The following NRXN3 variants were observed in gnomAD, a reference collection of about 807,000 sequenced individuals.
The protein encoded by NRXN3 is neurexin III.
Under a neutral mutation model 137.6 loss-of-function variants are expected in NRXN3, and 32 were observed. That is an observed-to-expected ratio of 0.23 (90% CI 0.18 to 0.31). NRXN3 has a LOEUF of 0.31. Ranked by LOEUF, NRXN3 falls within the 10% of genes least tolerant of loss-of-function variation. The pLI, the probability that NRXN3 is intolerant of heterozygous loss-of-function variation, is 1.00. For missense variants in NRXN3, 1,574 were observed against 2,062.5 expected, an observed-to-expected ratio of 0.76 and a Z score of 4.59; for synonymous variants, 798 against 784.5, an observed-to-expected ratio of 1.02 and a Z score of -0.29.
intron 15 of NRXN3, chr14:79,281,762 C>G (rs2081309654): frequency 6.6e-6 from 1 of 152,186 alleles, no homozygotes; most frequent in East Asian, 1.9e-4. Context: ...GCAGGAACAG[C>G]CCTCCAGGGA....
chr14:79,482,902 G>A (rs1600955427), intron 16 of NRXN3, among the ~76,000 whole-genome samples: 2 of 152,244 alleles, frequency 1.3e-5, no homozygotes, highest in Admixed American at 6.5e-5. Flanking sequence ...TACAAATGAG[G>A]TTTTTCCCTT....
intron 15 of NRXN3, among the ~76,000 whole-genome samples, chr14:79,011,849 A>G (rs1206782173): frequency 6.6e-6 from 1 of 152,210 alleles, no homozygotes; most frequent in East Asian, 1.9e-4. Context: ...ATAAGGAACA[A>G]TGTTTTAAAC....
chr14:79,235,476 C>T (rs1020390693), intron 15 of NRXN3, among the ~76,000 whole-genome samples: 7 of 152,090 alleles, frequency 4.6e-5, no homozygotes, highest in African/African-American at 1.4e-4. Flanking sequence ...AAAGAAGGTG[C>T]CCTCATTTCT....
At position 79,844,587 on chromosome 14, in the gene NRXN3, A is replaced by G. The variant is rs934167060; in HGVS notation, c.4094-16755A>G. Among the ~76,000 whole-genome samples, 6 of 152,170 alleles carry G rather than the reference A, an allele frequency of 3.9e-5. No homozygotes were observed. In the South Asian group the frequency reaches 1.2e-3, roughly 32 times the overall value. ...TGGATGACCAGGTGCACTGTCAATG[A>G]ACAGTACTATTTTGAAAGGAATCTT... On this transcript the variant is annotated intron_variant, in intron 20 of 20. Coordinates refer to ENST00000335750, the MANE Select transcript of NRXN3 (RefSeq NM_001330195.2).
At chr14:78,865,811 T>G (rs888418078) in intron 10 of NRXN3, among the ~76,000 whole-genome samples, 2 of 152,194 alleles carry the variant, frequency 1.3e-5, no homozygotes, top group African/African-American at 4.8e-5. Flanking sequence ...TACAGAGGTT[T>G]GGTTTTATGG....
chr14:79,166,019 C>A (rs2061252282), intron 15 of NRXN3, among the ~76,000 whole-genome samples: 3 of 151,978 alleles, frequency 2.0e-5, no homozygotes, highest in Non-Finnish European at 4.4e-5. Flanking sequence ...GTTCTATTTG[C>A]TCCAATATTA....
intron 1 of NRXN3, among the ~76,000 whole-genome samples, chr14:78,216,699 C>T (rs936365670): frequency 2.0e-5 from 3 of 152,184 alleles, no homozygotes; most frequent in Non-Finnish European, 2.9e-5. Context: ...AACTGGGTGG[C>T]TTAAGACAAC....
intron 4 of NRXN3, among the ~76,000 whole-genome samples, chr14:78,337,585 T>C (rs546369778): frequency 2.6e-4 from 39 of 152,272 alleles, no homozygotes; most frequent in African/African-American, 9.4e-4. Flanking sequence ...AAGATATTGG[T>C]GGCTATGTGC....
chr14:79,215,483 T>A (rs1322240896), intron 15 of NRXN3, among the ~76,000 whole-genome samples: 2 of 152,168 alleles, frequency 1.3e-5, no homozygotes, highest in Non-Finnish European at 2.9e-5. Context: ...AAGTTTAATG[T>A]ACTCACAATT....
intron 15 of NRXN3, among the ~76,000 whole-genome samples, chr14:79,118,176 T>C (rs1265606293): frequency 6.8e-6 from 1 of 147,786 alleles, no homozygotes; most frequent in African/African-American, 2.5e-5. Context: ...AAAAAAGGAA[T>C]GACTCTTTTT....
chr14:78,733,226 A>G (rs1284518873), intron 8 of NRXN3, among the ~76,000 whole-genome samples: 1 of 152,130 alleles, frequency 6.6e-6, no homozygotes, highest in Admixed American at 6.6e-5. Context: ...TTTCTGCCTC[A>G]TGCCTGGGAT....
intron 4 of NRXN3, among the ~76,000 whole-genome samples, chr14:78,449,972 T>A (rs994132866): frequency 2.6e-5 from 4 of 152,204 alleles, no homozygotes; most frequent in Non-Finnish European, 5.9e-5. Context: ...ACCCAACTCA[T>A]TTCCTATGTC....
At chr14:79,822,453 T>C (rs2099275465) in intron 20 of NRXN3, among the ~76,000 whole-genome samples, 2 of 152,192 alleles carry the variant, frequency 1.3e-5, no homozygotes, top group Admixed American at 1.3e-4. Context: ...TGTATAGCAT[T>C]CTTAATCAGC....
chr14:78,397,140 A>G (rs1049003560), intron 4 of NRXN3, among the ~76,000 whole-genome samples: 1 of 152,176 alleles, frequency 6.6e-6, no homozygotes, highest in Non-Finnish European at 1.5e-5. Context: ...CATCATGTGG[A>G]TTTAAACATT....
chr14:78,425,913 A>G (rs1254559655), intron 4 of NRXN3, among the ~76,000 whole-genome samples: 1 of 152,166 alleles, frequency 6.6e-6, no homozygotes, highest in Admixed American at 6.5e-5. Context: ...AAGGCCCAAG[A>G]AGTTATAAAT....
intron 16 of NRXN3, among the ~76,000 whole-genome samples, chr14:79,632,622 T>G (rs2098366112): frequency 6.6e-6 from 1 of 152,184 alleles, no homozygotes; most frequent in Non-Finnish European, 1.5e-5. Flanking sequence ...TAAAACAAAT[T>G]ATATCTCTGT....
chr14:79,071,410 C>T (rs770898136), intron 15 of NRXN3, among the ~76,000 whole-genome samples: 12 of 152,094 alleles, frequency 7.9e-5, no homozygotes, highest in East Asian at 1.9e-4. Flanking sequence ...CAGGCCCCAG[C>T]GTGTGAGGTT....
At chr14:79,418,366 C>G (rs1441660056) in intron 15 of NRXN3, among the ~76,000 whole-genome samples, 1 of 152,094 alleles carries the variant, frequency 6.6e-6, no homozygotes. Context: ...CGTTTTGGCT[C>G]TTGTATGAGG....
At chr14:79,259,709 TACACACACACACAC>T (rs71131688) in intron 15 of NRXN3, among the ~76,000 whole-genome samples, 4 of 139,742 alleles carry the variant, frequency 2.9e-5, no homozygotes, top group African/African-American at 8.0e-5. Flanking sequence ...TATAGTTTTA[TACACACACACACAC>T]ACACACACAC....
Sources: allele counts gnomAD v4.1 joint callset (sites outside exome capture counted in the v4.1 genomes callset), GRCh38; gene constraint gnomAD v4.1.1; transcripts MANE v1.5; gene names NCBI Gene and HGNC (gene_info 2026-07-23, HGNC 2026-07-21).